Variants in UGT3A1 observed in about 807,000 individuals in gnomAD.
UGT3A1 encodes the protein UDP glycosyltransferase family 3 member A1.
UGT3A1 carries 40 observed loss-of-function variants against 37.6 expected under a neutral mutation model. The ratio of observed to expected loss-of-function variants is 1.06; its 90% CI spans 0.83 to 1.38. The LOEUF (loss-of-function observed/expected upper bound fraction) is 1.38, where lower values mean the gene tolerates loss of function less well. UGT3A1 is among the 40% of genes most tolerant of loss of function. The pLI, the probability that UGT3A1 is intolerant of heterozygous loss-of-function variation, is 0.00. For synonymous variants in UGT3A1, 256 were observed against 232.3 expected (o/e 1.10, Z -0.93); for missense variants, 642 against 634.2 (o/e 1.01, Z -0.13).
chr5:35,973,640 A>G (rs1005018353), intron 2 of UGT3A1, among the ~76,000 whole-genome samples: 2 of 152,140 alleles, frequency 1.3e-5, no homozygotes, highest in Non-Finnish European at 2.9e-5. Flanking sequence ...AAGAGGACAC[A>G]TTTTTTTCAC....
intron 2 of UGT3A1, among the ~76,000 whole-genome samples, chr5:35,972,992 C>T (rs942758574): frequency 6.6e-6 from 1 of 152,018 alleles, no homozygotes; most frequent in Non-Finnish European, 1.5e-5. Context: ...CTCCACCTTG[C>T]AAGGTATTTT....
intron 1 of UGT3A1, among the ~76,000 whole-genome samples, chr5:35,997,580 T>G (rs1741126842): frequency 6.6e-6 from 1 of 152,040 alleles, no homozygotes; most frequent in South Asian, 2.1e-4. Flanking sequence ...GCGCCTGCCA[T>G]TATGCCTGGC....
chr5:35,951,463 A>G lies in UGT3A1; in HGVS notation c.*2739T>C, dbSNP rs747768269. ...ACTCTTTGCTATTTTTTACTTAACCATATTGGAATTTGCTCCATATTAGCT... is the reference window on the plus strand; with the variant it reads ...ACTCTTTGCTATTTTTTACTTAACCGTATTGGAATTTGCTCCATATTAGCT... On this transcript the variant is annotated 3_prime_UTR_variant, in exon 7 of 7. Coordinates refer to ENST00000274278, the MANE Select transcript of UGT3A1 (RefSeq NM_152404.4). The G allele has an allele frequency of 2.0e-5, 3 of 152,164 alleles. No individual in the cohort carries two copies. The highest frequency in any genetic ancestry group is 1.5e-5 in the Non-Finnish European group (1 of 68,018). 9.4% of individuals were successfully genotyped at this position (152,164 alleles called of 1,614,324 possible).
intron 5 of UGT3A1, among the ~76,000 whole-genome samples, chr5:35,956,126 A>G (rs927641520): frequency 2.0e-5 from 3 of 152,222 alleles, no homozygotes; most frequent in Admixed American, 2.0e-4. Context: ...ATGATAAGCA[A>G]GGCATATTTC....
chr5:35,995,964 G>C (rs894728974), upstream of UGT3A1, among the ~76,000 whole-genome samples: 3 of 150,940 alleles, frequency 2.0e-5, no homozygotes, highest in Non-Finnish European at 4.4e-5. Flanking sequence ...TGACAAATTG[G>C]GCCATGACTA....
Position 35,958,627 on chromosome 5 carries a change from G to T in UGT3A1, c.844-1208C>A, listed in dbSNP as rs114727047. Among the ~76,000 whole-genome samples the T allele has an allele frequency of 3.6e-3, 545 of 152,308 alleles. 1 individual carries two copies. Among genetic ancestry groups the T allele is most frequent in the Non-Finnish European group, 5.6e-3 (381 of 68,036 alleles). ...ACTGGAGACTGACTCAAATGACTCC[G>T]TAGAGTTTTGAAAACCAGTCAAAGA... On this transcript the variant is annotated intron_variant, in intron 4 of 6. Transcript: ENST00000274278.
intron 2 of UGT3A1, among the ~76,000 whole-genome samples, chr5:35,978,908 G>T (rs1481870705): frequency 6.6e-6 from 1 of 152,130 alleles, no homozygotes; most frequent in Non-Finnish European, 1.5e-5. Flanking sequence ...GGTAAATAGG[G>T]CCATTCCAAA....
At chr5:35,958,948 G>A (rs1471478503) in intron 4 of UGT3A1, among the ~76,000 whole-genome samples, 2 of 152,198 alleles carry the variant, frequency 1.3e-5, no homozygotes, top group African/African-American at 2.4e-5. Flanking sequence ...AGCAGTGGTA[G>A]GTACCATGAC....
chr5:35,981,253 A>G (rs1236778989), intron 2 of UGT3A1, among the ~76,000 whole-genome samples: 1 of 152,206 alleles, frequency 6.6e-6, no homozygotes, highest in Non-Finnish European at 1.5e-5. Flanking sequence ...ACAGAAAACC[A>G]AAAATAAATA....
chr5:35,983,203 A>G (rs1033770862), intron 2 of UGT3A1, among the ~76,000 whole-genome samples: 11 of 152,212 alleles, frequency 7.2e-5, no homozygotes, highest in African/African-American at 1.7e-4. Context: ...CAGAAACAGA[A>G]AAAAAGATAT....
intron 1 of UGT3A1, 120 bp downstream of exon 1, chr5:35,991,027 T>A: frequency 6.2e-7 from 1 of 1,603,306 alleles, no homozygotes; most frequent in South Asian, 1.1e-5. Context: ...TCCAGCCAGG[T>A]CCGCAAGCCC....
At chr5:35,963,872 G>C (rs1042298006) in intron 4 of UGT3A1, among the ~76,000 whole-genome samples, 4 of 152,206 alleles carry the variant, frequency 2.6e-5, no homozygotes, top group Non-Finnish European at 4.4e-5. Flanking sequence ...TTGTCGGAAT[G>C]GGGGGTGGGG....
At chr5:35,977,286 T>C (rs77043951) in intron 2 of UGT3A1, among the ~76,000 whole-genome samples, 1,768 of 152,260 alleles carry the variant, frequency 0.012, 23 homozygotes, top group Non-Finnish European at 0.016. Context: ...ACGAATACAA[T>C]AGAATACTAG....
At chr5:35,962,866 T>G (rs1245271496) in intron 4 of UGT3A1, 4 of 702,202 alleles carry the variant, frequency 5.7e-6, no homozygotes, top group Non-Finnish European at 1.0e-5. Flanking sequence ...TCCTCCAGAT[T>G]CTGAGGGTCA....
chr5:35,984,301 T>C (rs568598395), intron 2 of UGT3A1, among the ~76,000 whole-genome samples: 6 of 152,300 alleles, frequency 3.9e-5, no homozygotes, highest in South Asian at 2.1e-4. Flanking sequence ...TCCATTTATA[T>C]GGCTTGAGAA....
chr5:35,993,909 AC>A (rs60938622), upstream of UGT3A1, among the ~76,000 whole-genome samples: 82,450 of 126,794 alleles, frequency 0.65, 22,802 homozygotes, highest in South Asian at 0.74. Flanking sequence ...CTGTTATTAA[AC>A]AAACAAACAA....
chr5:35,956,057 T>G (rs1433338108), intron 5 of UGT3A1, among the ~76,000 whole-genome samples, 193 bp from the exon 6 acceptor site: 6 of 152,212 alleles, frequency 3.9e-5, no homozygotes, highest in Non-Finnish European at 8.8e-5. Flanking sequence ...CTGTAGAGAT[T>G]CCTCACCTCA....
intron 4 of UGT3A1, among the ~76,000 whole-genome samples, chr5:35,963,305 T>A (rs1196407224): frequency 2.0e-5 from 3 of 152,202 alleles, no homozygotes; most frequent in African/African-American, 7.2e-5. Context: ...GTTGCCTGAC[T>A]TTTGATCCCT....
chr5:35,954,430 G>A lies in UGT3A1; in HGVS notation c.1344C>T (p.Pro448=). 4 of 1,614,214 alleles carry A rather than the reference G, an allele frequency of 2.5e-6. No homozygotes were observed. Among genetic ancestry groups the A allele is most frequent in the Non-Finnish European group, 3.4e-6 (4 of 1,180,038 alleles). The change falls in exon 7 of 7, where the codon CCC becomes CCT. Residue 448 remains proline, a synonymous_variant. Coordinates refer to ENST00000274278, the MANE Select transcript of UGT3A1 (RefSeq NM_152404.4). Reference sequence around the variant, plus strand: ...CCACCAGCCGCTGTGCGGGGCTCAGGGGCTGAGAGTGCAGGATGACACTGG... The same window carrying A: ...CCACCAGCCGCTGTGCGGGGCTCAGAGGCTGAGAGTGCAGGATGACACTGG... ...VAASVILHSQ[P]LSPAQRLVGW...
Sources: allele counts gnomAD v4.1 joint callset (sites outside exome capture counted in the v4.1 genomes callset), GRCh38; gene constraint gnomAD v4.1.1; transcripts MANE v1.5; gene names NCBI Gene and HGNC (gene_info 2026-07-23, HGNC 2026-07-21).